PTPRD: variants seen among roughly 807,000 people sequenced by gnomAD.
The protein encoded by PTPRD is protein tyrosine phosphatase receptor type D.
A neutral mutation model predicts 214.5 loss-of-function variants in PTPRD; 34 were observed. The ratio of observed to expected loss-of-function variants is 0.16; its 90% CI spans 0.12 to 0.21. PTPRD has a LOEUF of 0.21. Ranked by LOEUF, PTPRD falls within the 10% of genes least tolerant of loss-of-function variation. The probability of loss-of-function intolerance (pLI) is 1.00; values close to 1 mark genes in which losing one functional copy is unlikely to be tolerated. For missense variants in PTPRD, 2,545 were observed against 2,398.7 expected (o/e 1.06, Z -1.27); for synonymous variants, 1,128 against 845.7 (o/e 1.33, Z -5.79).
intron 34 of PTPRD, among the ~76,000 whole-genome samples, chr9:8,440,565 G>A (rs1411109695): frequency 2.6e-5 from 4 of 152,132 alleles, no homozygotes; most frequent in Admixed American, 2.0e-4. Flanking sequence ...CGCCTGCCTC[G>A]GGCTCCCAAA....
Position 9,178,087 on chromosome 9 carries a change from AG to A in PTPRD, c.-143+5216del, listed in dbSNP as rs1288776180. Among the ~76,000 whole-genome samples, 6 of 152,260 alleles carry A rather than the reference AG, an allele frequency of 3.9e-5. 1 individual carries two copies. The highest frequency in any genetic ancestry group is 9.6e-5 in the African/African-American group (4 of 41,566). On this transcript the variant is annotated intron_variant, in intron 10 of 45. Transcript: ENST00000381196. ...AAGACTAAGGATAAAAAAGGCAGGT[AG>A]CTTTTGTATCAATATAAGGAAGACT...
chr9:9,600,002 G>T (rs2093633644), intron 7 of PTPRD, among the ~76,000 whole-genome samples: 1 of 151,886 alleles, frequency 6.6e-6, no homozygotes, highest in African/African-American at 2.4e-5. Context: ...CTATGGGCTT[G>T]TTTCTATAAT....
At chr9:10,232,012 G>C (rs1327105035) in intron 3 of PTPRD, among the ~76,000 whole-genome samples, 1 of 151,106 alleles carries the variant, frequency 6.6e-6, no homozygotes, top group African/African-American at 2.4e-5. Context: ...GTGTGTGTGT[G>C]TGTGTGTGTG....
At chr9:10,014,919 A>C (rs1410184729) in intron 4 of PTPRD, among the ~76,000 whole-genome samples, 1 of 152,064 alleles carries the variant, frequency 6.6e-6, no homozygotes, top group East Asian at 1.9e-4. Context: ...TTCAGTTAGC[A>C]CTTCCCCTCA....
chr9:10,268,041 G>A (rs2094182856), intron 3 of PTPRD, among the ~76,000 whole-genome samples: 1 of 151,456 alleles, frequency 6.6e-6, no homozygotes, highest in African/African-American at 2.4e-5. Context: ...AGTACTTTGG[G>A]ATGCTGTGGC....
At chr9:10,470,264 A>T (rs2131667615) in intron 2 of PTPRD, among the ~76,000 whole-genome samples, 1 of 152,238 alleles carries the variant, frequency 6.6e-6, no homozygotes, top group South Asian at 2.1e-4. Context: ...TCCATAAAAA[A>T]ATTAAAAACA....
chr9:8,772,180 C>A lies in PTPRD; in HGVS notation c.-103-38234G>T, dbSNP rs894431339. Reference sequence around the variant, plus strand: ...AACAACACAGATTTTGAGGCCAGAACTCTTTTAAATTCTGCTTATTTTTAC... The same window carrying A: ...AACAACACAGATTTTGAGGCCAGAAATCTTTTAAATTCTGCTTATTTTTAC... On this transcript the variant is annotated intron_variant, in intron 11 of 45. Transcript: ENST00000381196. Among the ~76,000 whole-genome samples the A allele has an allele frequency of 2.6e-5, 4 of 151,968 alleles. 1 individual carries two copies. Among genetic ancestry groups the A allele is most frequent in the African/African-American group, 9.6e-5 (4 of 41,458 alleles).
chr9:9,138,227 T>C (rs10119008), intron 10 of PTPRD, among the ~76,000 whole-genome samples: 1 of 151,894 alleles, frequency 6.6e-6, no homozygotes, highest in Non-Finnish European at 1.5e-5. Context: ...AATAGCAAAA[T>C]CAATTATATT....
At chr9:9,358,062 T>A (rs9407424) in intron 9 of PTPRD, among the ~76,000 whole-genome samples, 4,267 of 151,390 alleles carry the variant, frequency 0.028, 188 homozygotes, top group African/African-American at 0.098. Flanking sequence ...TTTTTGTTGC[T>A]ATTTTACAAG....
intron 9 of PTPRD, among the ~76,000 whole-genome samples, chr9:9,352,564 T>A (rs975308940): frequency 6.6e-6 from 1 of 151,870 alleles, no homozygotes; most frequent in African/African-American, 2.4e-5. Context: ...TCTGTTGCCT[T>A]CACACAAAAT....
chr9:9,275,151 TATTA>T (rs1218206569), intron 9 of PTPRD, among the ~76,000 whole-genome samples: 5 of 64,592 alleles, frequency 7.7e-5, no homozygotes, highest in African/African-American at 4.0e-4. Context: ...ATATATAATA[TATTA>T]TATATATAAC....
chr9:9,770,374 T>C (rs975050370), intron 5 of PTPRD, among the ~76,000 whole-genome samples: 11 of 152,150 alleles, frequency 7.2e-5, no homozygotes, highest in Admixed American at 3.9e-4. Context: ...TTAAGAAAAA[T>C]ACGGTGGTTT....
intron 5 of PTPRD, among the ~76,000 whole-genome samples, chr9:9,903,222 C>T (rs898677815): frequency 3.3e-5 from 5 of 152,002 alleles, no homozygotes; most frequent in Non-Finnish European, 7.4e-5. Context: ...AATGCATTTG[C>T]TTCACTTTAT....
chr9:10,597,197 G>T (rs1478085180), intron 2 of PTPRD, among the ~76,000 whole-genome samples: 2 of 151,378 alleles, frequency 1.3e-5, no homozygotes, highest in African/African-American at 2.4e-5. Flanking sequence ...GGACATAAAA[G>T]GGTTCCAAAA....
In PTPRD at chr9:9,369,161, T is replaced by C. The variant is rs565184623; in HGVS notation, c.-203+28288A>G. Reference sequence around the variant, plus strand: ...CACATTTTCTTAATCTAGTCTATCATTGTTGGACATTTGAGTTGGTTCCAA... The same window carrying C: ...CACATTTTCTTAATCTAGTCTATCACTGTTGGACATTTGAGTTGGTTCCAA... On this transcript the variant is annotated intron_variant, in intron 9 of 45. Coordinates refer to ENST00000381196, the MANE Select transcript of PTPRD (RefSeq NM_002839.4). Among the ~76,000 whole-genome samples, 9 of 152,240 alleles carry C rather than the reference T, an allele frequency of 5.9e-5. No homozygotes were observed. In the South Asian group the frequency reaches 8.3e-4, roughly 14 times the overall value.
intron 2 of PTPRD, among the ~76,000 whole-genome samples, chr9:10,583,756 G>C (rs1337543513): frequency 1.3e-5 from 2 of 152,168 alleles, no homozygotes; most frequent in Admixed American, 6.5e-5. Flanking sequence ...GGGATTACAG[G>C]CGTGAGCCAC....
intron 2 of PTPRD, among the ~76,000 whole-genome samples, chr9:10,462,033 G>A (rs2098962731): frequency 6.6e-6 from 1 of 152,130 alleles, no homozygotes; most frequent in African/African-American, 2.4e-5. Context: ...GGAGATGTAG[G>A]TCAATCGATA....
At chr9:9,724,002 A>G (rs1484428260) in intron 7 of PTPRD, among the ~76,000 whole-genome samples, 3 of 151,944 alleles carry the variant, frequency 2.0e-5, no homozygotes, top group Non-Finnish European at 2.9e-5. Context: ...TTCTTTCTCA[A>G]TTGCCCTGGC....
intron 3 of PTPRD, among the ~76,000 whole-genome samples, chr9:10,166,253 A>C (rs67394918): frequency 0.092 from 13,736 of 149,988 alleles, 753 homozygotes; most frequent in South Asian, 0.16. Context: ...GAAAAAAAAA[A>C]AAAACAAAAC....
Sources: gnomAD v4.1 joint callset for allele counts (sites outside exome capture counted in the v4.1 genomes callset) on GRCh38, gnomAD v4.1.1 for gene constraint, MANE v1.5 for transcripts, NCBI Gene and HGNC (gene_info 2026-07-23, HGNC 2026-07-21) for gene names.